Variants in PARP1 observed in about 807,000 individuals in gnomAD.
PARP1 encodes poly(ADP-ribose) polymerase 1, also known as poly [ADP-ribose] polymerase 1.
A neutral mutation model predicts 118.7 loss-of-function variants in PARP1; 44 were observed. The ratio of observed to expected loss-of-function variants is 0.37; its 90% confidence interval spans 0.29 to 0.48. The LOEUF (loss-of-function observed/expected upper bound fraction) is 0.48. Among genes scored for constraint, PARP1 ranks in the 20% least tolerant of loss-of-function variants. PARP1 has a pLI of 0.99. For synonymous variants in PARP1, 492 were observed against 483.2 expected, an observed-to-expected ratio of 1.02 and a Z score of -0.24; for missense variants, 1,100 against 1,272.4, an observed-to-expected ratio of 0.86 and a Z score of 2.06.
At chr1:226,394,922 C>G (rs1461577359) in intron 2 of PARP1, among the ~76,000 whole-genome samples, 1 of 152,178 alleles carries the variant, frequency 6.6e-6, no homozygotes, top group Non-Finnish European at 1.5e-5. Flanking sequence ...ATTAATATGT[C>G]AAGTACTTGG....
intron 8 of PARP1, among the ~76,000 whole-genome samples, chr1:226,381,611 T>G (rs1664608863): frequency 1.3e-5 from 2 of 152,218 alleles, no homozygotes; most frequent in Non-Finnish European, 2.9e-5. Flanking sequence ...CCAAACAAAC[T>G]GCAATTCTTA....
At position 226,407,904 on chromosome 1, in the gene PARP1, T is replaced by C. The variant is rs770635699; in HGVS notation, c.26A>G (p.Tyr9Cys). ...CCCGCTCTTGGCGTACTCGACTCGA[T>C]AGAGCTTATCCGAAGACTCCGCCAT... MAESSDKL[Y>C]RVEYAKSGRA... The change falls in exon 1 of 23, where the codon TAT (tyrosine) becomes TGT (cysteine). Residue 9 changes from tyrosine (Y) to cysteine (C), a missense_variant. Physicochemically the swap from Tyr to Cys is radical, Grantham distance 194. Transcript: ENST00000366794. 21 of 1,612,152 alleles carry C rather than the reference T, an allele frequency of 1.3e-5. No individual in the cohort carries two copies. Among genetic ancestry groups the C allele is most frequent in the East Asian group, 2.2e-5 (1 of 44,778 alleles).
intron 5 of PARP1, 131 bp from the exon 6 acceptor site, chr1:226,386,573 G>T (rs1664721940): frequency 2.6e-6 from 2 of 762,432 alleles, no homozygotes; most frequent in Non-Finnish European, 2.4e-6. Flanking sequence ...TGCAAATCTG[G>T]GTGATTAGCA....
At chr1:226,373,161 T>C (rs529586369) in intron 14 of PARP1, among the ~76,000 whole-genome samples, 244 of 152,266 alleles carry the variant, frequency 1.6e-3, no homozygotes, top group Middle Eastern at 3.4e-3. Flanking sequence ...TTTGACCCCC[T>C]GTCCTCCCAG....
chr1:226,370,574 G>A, intron 14 of PARP1, 57 bp from the exon 15 acceptor site: 2 of 1,424,330 alleles, frequency 1.4e-6, no homozygotes, highest in Admixed American at 3.3e-5. Flanking sequence ...GTGATCGCAG[G>A]AGAGCTGGAC....
chr1:226,366,330 G>C lies in PARP1; in HGVS notation c.2407-278C>G, dbSNP rs191696409. On this transcript the variant is annotated intron_variant, in intron 17 of 22. Transcript: ENST00000366794. ...ATGTTTTGGGATATCAGGGAAGCTA[G>C]AATGTGGGATTCACTGTCAGTGAAC... is the stretch of plus-strand genomic sequence containing the variant. 8.0e-5 allele frequency: 33 copies of C among 410,158 alleles called. No individual in the cohort carries two copies. In the Middle Eastern group the frequency reaches 2.2e-3, roughly 28 times the overall value. 25.4% of individuals were successfully genotyped at this position (410,158 alleles called of 1,614,324 possible). A position where few individuals can be genotyped will look rare whatever the true frequency, so the allele number is the denominator to read the frequency against.
chr1:226,364,160 A>G, intron 19 of PARP1, 90 bp from the exon 20 acceptor site: 2 of 1,255,368 alleles, frequency 1.6e-6, no homozygotes, highest in Non-Finnish European at 2.3e-6. Context: ...CAAGCCACCC[A>G]GCTAAGTGCT....
At chr1:226,363,268 A>G in intron 20 of PARP1, 108 bp from the exon 21 acceptor site, 1 of 823,938 alleles carries the variant, frequency 1.2e-6, no homozygotes, top group African/African-American at 1.7e-5. Context: ...AAAAGTCCAC[A>G]AAACCCAGAC....
At chr1:226,380,938 G>T in intron 9 of PARP1, 130 bp downstream of exon 9, 2 of 1,029,078 alleles carry the variant, frequency 1.9e-6, no homozygotes, top group South Asian at 1.3e-5. Flanking sequence ...CCTTCATAAA[G>T]AACCACAGCG....
intron 14 of PARP1, 29 bp downstream of exon 14, chr1:226,374,197 T>C: frequency 6.2e-7 from 1 of 1,612,314 alleles, no homozygotes; most frequent in Non-Finnish European, 8.5e-7. Context: ...CAGCAAATGC[T>C]CACAGATAAA....
At chr1:226,382,378 G>C (rs905233287) in intron 8 of PARP1, among the ~76,000 whole-genome samples, 13 of 152,176 alleles carry the variant, frequency 8.5e-5, no homozygotes, top group African/African-American at 3.1e-4. Context: ...TGGGCGCAGG[G>C]CAGCCTGGAG....
intron 16 of PARP1, 104 bp from the exon 17 acceptor site, chr1:226,367,712 G>A (rs1383177347): frequency 1.5e-6 from 2 of 1,328,908 alleles, no homozygotes; most frequent in Non-Finnish European, 2.1e-6. Context: ...CCAACACAGT[G>A]AATGGCAAAC....
chr1:226,404,968 G>A (rs1389354518), intron 1 of PARP1, among the ~76,000 whole-genome samples: 5 of 152,154 alleles, frequency 3.3e-5, no homozygotes, highest in South Asian at 2.1e-4. Flanking sequence ...AAGGTCTACC[G>A]CCATCCTCCT....
Position 226,385,527 on chromosome 1 carries a change from G to A in PARP1, c.988C>T (p.Arg330Trp), listed in dbSNP as rs1179367477. Residue 330 changes from arginine to tryptophan, a missense_variant, in exon 7 of 23, where the codon CGG (arginine) becomes TGG (tryptophan). Arg to Trp is a moderately radical substitution (Grantham distance 101). Around this residue, in one of 2 missense-constraint regions of PARP1, gnomAD observed 948 missense variants for 1,031.8 expected, o/e 0.92. Coordinates refer to ENST00000366794, the MANE Select transcript of PARP1 (RefSeq NM_001618.4). Reference sequence around the variant, plus strand: ...ACCTTTGGGGTTACCCACTCCTTCCGGTTGGGTGTCTGTGTCTTGACCATA... The same window carrying A: ...ACCTTTGGGGTTACCCACTCCTTCCAGTTGGGTGTCTGTGTCTTGACCATA... ...KCMVKTQTPN[R>W]KEWVTPKEFR... 7 of 1,613,950 alleles carry A rather than the reference G, an allele frequency of 4.3e-6. No individual in the cohort carries two copies. The highest frequency in any genetic ancestry group is 2.2e-5 in the South Asian group (2 of 91,078).
chr1:226,401,202 C>T (rs73091805), intron 2 of PARP1, among the ~76,000 whole-genome samples: 4,001 of 152,296 alleles, frequency 0.026, 185 homozygotes, highest in African/African-American at 0.092. Context: ...TGATGCAGGG[C>T]AGGCCAGCCC....
At chr1:226,364,814 C>A (rs1453713641) in intron 19 of PARP1, among the ~76,000 whole-genome samples, 188 bp downstream of exon 19, 1 of 152,260 alleles carries the variant, frequency 6.6e-6, no homozygotes, top group African/African-American at 2.4e-5. Context: ...TGCTCTGCCT[C>A]CTTTGTTCCA....
At chr1:226,396,611 C>T (rs1664929071) in intron 2 of PARP1, among the ~76,000 whole-genome samples, 1 of 152,146 alleles carries the variant, frequency 6.6e-6, no homozygotes, top group South Asian at 2.1e-4. Flanking sequence ...GTAAGTTAGG[C>T]TCTCTGGATG....
At chr1:226,391,107 C>A (rs1225239913) in intron 3 of PARP1, among the ~76,000 whole-genome samples, 1 of 151,232 alleles carries the variant, frequency 6.6e-6, no homozygotes, top group Non-Finnish European at 1.5e-5. Context: ...GCTTAAGTGA[C>A]CCTCCTACCT....
At chr1:226,379,495 C>T (rs1199845695) in intron 11 of PARP1, 78 bp downstream of exon 11, 1 of 1,246,890 alleles carries the variant, frequency 8.0e-7, no homozygotes, top group African/African-American at 1.5e-5. Flanking sequence ...ATGCTGCGGG[C>T]ATTTGGATGT....
Sources: gnomAD v4.1 joint callset for allele counts (sites outside exome capture counted in the v4.1 genomes callset) on GRCh38, gnomAD v4.1.1 for gene constraint, gnomAD v4.1.1 regional missense constraint, MANE v1.5 for transcripts, NCBI Gene and HGNC (gene_info 2026-07-23, HGNC 2026-07-21) for gene names.